Variants in DYRK2 observed in about 807,000 individuals in gnomAD.
DYRK2 encodes the protein dual specificity tyrosine phosphorylation regulated kinase 2.
Under a neutral mutation model 41.6 loss-of-function variants are expected in DYRK2, and 12 were observed. That is an observed-to-expected ratio of 0.29 (90% CI 0.18 to 0.47). DYRK2 has a LOEUF of 0.47. Ranked by LOEUF, DYRK2 falls within the 20% of genes least tolerant of loss-of-function variation. The pLI is 1.00. For synonymous variants in DYRK2, 322 were observed against 315.7 expected, an observed-to-expected ratio of 1.02 and a Z score of -0.21; for missense variants, 678 against 798.4, an observed-to-expected ratio of 0.85 and a Z score of 1.82.
chr12:67,652,561 A>G (rs1046563883), intron 2 of DYRK2: 4 of 152,286 alleles, frequency 2.6e-5, no homozygotes, highest in South Asian at 2.1e-4. Context: ...TTTGGACTCA[A>G]TTCTATTACC....
At chr12:67,649,723 G>C in intron 1 of DYRK2, 74 bp from the exon 2 acceptor site, 1 of 1,281,678 alleles carries the variant, frequency 7.8e-7, no homozygotes, top group Non-Finnish European at 9.9e-7. Flanking sequence ...GCTGCCCAGC[G>C]GGGTTGGAGG....
chr12:67,649,288 G>GGC, intron 1 of DYRK2, 106 bp downstream of exon 1: 2 of 956,618 alleles, frequency 2.1e-6, no homozygotes, highest in Non-Finnish European at 2.7e-6. Context: ...CAAAGTCGGC[G>GGC]GCGCGGCGCG....
chr12:67,657,073 C>T lies in DYRK2; in HGVS notation c.199-33C>T. On this transcript the variant is annotated intron_variant, in intron 2 of 2. Transcript: ENST00000344096. The surrounding 1 kb of genome is among the most constrained non-coding windows in gnomAD (Gnocchi z 4.8). ...TACACCATTTGAACAGACACCACTT[C>T]TTTTCTATTTATATTTCCTGTCTGA... 1 of 1,525,952 alleles carries T rather than the reference C, an allele frequency of 6.6e-7. No homozygotes were observed. The highest frequency in any genetic ancestry group is 8.8e-7 in the Non-Finnish European group (1 of 1,136,482). 94.5% of individuals were successfully genotyped at this position (1,525,952 alleles called of 1,614,324 possible).
rs1872256566 is a variant in DYRK2 at position 67,649,783 on chromosome 12, C to T, written c.50-14C>T. 1 of 1,314,436 alleles carries T rather than the reference C, an allele frequency of 7.6e-7. No individual in the cohort carries two copies. Among genetic ancestry groups the T allele is most frequent in the Non-Finnish European group, 9.8e-7 (1 of 1,024,752 alleles). 81.4% of individuals were successfully genotyped at this position (1,314,436 alleles called of 1,614,324 possible). A position where few individuals can be genotyped will look rare whatever the true frequency, so the allele number is the denominator to read the frequency against. On this transcript the variant is annotated splice_polypyrimidine_tract_variant and intron_variant, in intron 1 of 2. Transcript: ENST00000344096. ...CCTGACCCTCTTTTGTCTCCTCCCG[C>T]ACGTGGCTTCCAGGCCGAGGTGGGG...
chr12:67,652,053 G>A (rs1472097947), intron 2 of DYRK2, among the ~76,000 whole-genome samples: 1 of 152,088 alleles, frequency 6.6e-6, no homozygotes, highest in Non-Finnish European at 1.5e-5. Flanking sequence ...ATGAATGGGG[G>A]GCGGGAGGGC....
chr12:67,658,394 G>A lies in DYRK2; in HGVS notation c.1487G>A (p.Trp496Ter). The change falls in exon 3 of 3, where the codon TGG becomes TAG. Residue 496 changes from tryptophan to a stop codon, truncating the protein, a stop_gained. Coordinates refer to ENST00000344096, the MANE Select transcript of DYRK2 (RefSeq NM_006482.3). LOFTEE classifies it high-confidence loss of function. This position sits in a 1 kb window ranked among gnomAD's most constrained non-coding sequence, Gnocchi z 4.3. Reference protein sequence around the residue: ...KLRGPPESREWGNALKGCDDP... With the variant: ...KLRGPPESRE ...AGGGGCCCACCGGAGAGCAGAGAGT[G>A]GGGGAACGCGCTGAAGGGGTGTGAT... The A allele has an allele frequency of 6.2e-7, 1 of 1,602,916 alleles. No homozygotes were observed. The highest frequency in any genetic ancestry group is 8.5e-7 in the Non-Finnish European group (1 of 1,175,170).
chr12:67,663,631 A>C lies in DYRK2; in HGVS notation c.*4918A>C, dbSNP rs935240796. On this transcript the variant is annotated 3_prime_UTR_variant, in exon 3 of 3. Coordinates refer to ENST00000344096, the MANE Select transcript of DYRK2 (RefSeq NM_006482.3). ...CAAAATCCAATATATTTAGAAATGTAAGTGTTAAGAGATGTGCATTATGTA... is the reference window on the plus strand; with the variant it reads ...CAAAATCCAATATATTTAGAAATGTCAGTGTTAAGAGATGTGCATTATGTA... 6.6e-6 allele frequency: 1 copy of C among 152,188 alleles called. No individual in the cohort carries two copies. Among genetic ancestry groups the C allele is most frequent in the Non-Finnish European group, 1.5e-5 (1 of 68,022 alleles). 9.4% of individuals were successfully genotyped at this position (152,188 alleles called of 1,614,324 possible).
chr12:67,656,489 T>G (rs1049864594), intron 2 of DYRK2, among the ~76,000 whole-genome samples: 1 of 152,208 alleles, frequency 6.6e-6, no homozygotes, highest in East Asian at 1.9e-4. Context: ...CATAAGATAC[T>G]ATGGTACACA....
At position 67,661,318 on chromosome 12, in the gene DYRK2, C is replaced by A. The variant is rs1342329398; in HGVS notation, c.*2605C>A. 2.4e-5 allele frequency: 4 copies of A among 167,032 alleles called. No homozygotes were observed. The highest frequency in any genetic ancestry group is 4.4e-5 in the Non-Finnish European group (3 of 68,098). 10.3% of individuals were successfully genotyped at this position (167,032 alleles called of 1,614,324 possible). A position where few individuals can be genotyped will look rare whatever the true frequency, so the allele number is the denominator to read the frequency against. ...AAACAGTTTTTGGTCTCACAGGTTA[C>A]CATTGTTTGGGGATGTCTGAGCTGT... On this transcript the variant is annotated 3_prime_UTR_variant, in exon 3 of 3. Coordinates refer to ENST00000344096, the MANE Select transcript of DYRK2 (RefSeq NM_006482.3).
chr12:67,652,238 TTC>T (rs1352761238), intron 2 of DYRK2, among the ~76,000 whole-genome samples: 3 of 152,192 alleles, frequency 2.0e-5, no homozygotes, highest in African/African-American at 7.2e-5. Flanking sequence ...CTTTAGTTAT[TTC>T]TGTTTGTGTG....
rs994593190 is a variant in DYRK2 at position 67,663,436 on chromosome 12, A to T, written c.*4723A>T. The T allele has an allele frequency of 5.3e-5, 8 of 152,252 alleles. No individual in the cohort carries two copies. The highest frequency in any genetic ancestry group is 7.4e-5 in the Non-Finnish European group (5 of 67,984). The allele number at this position is 152,252 out of a possible 1,614,324, so 9.4% of individuals were successfully genotyped here. ...TCCCTTCTGTTACCAACAGCCAAGG[A>T]ATTACTTAGTGTGGCTCCCTGCATC... On this transcript the variant is annotated 3_prime_UTR_variant, in exon 3 of 3. Transcript: ENST00000344096.
Position 67,658,435 on chromosome 12 carries a change from G to C in DYRK2, c.1528G>C (p.Asp510His). 1.3e-6 allele frequency: 2 copies of C among 1,591,198 alleles called. No individual in the cohort carries two copies. Among genetic ancestry groups the C allele is most frequent in the Non-Finnish European group, 1.7e-6 (2 of 1,168,964 alleles). ...GGGGTGTGATGATCCCCTTTTCCTT[G>C]ACTTCTTAAAACAGTGTTTAGAGTG... is the stretch of plus-strand genomic sequence containing the variant. ...LKGCDDPLFLDFLKQCLEWDP... is the reference protein window; with the variant it reads ...LKGCDDPLFLHFLKQCLEWDP... The change falls in exon 3 of 3, where the codon GAC becomes CAC. Residue 510 changes from aspartate (D) to histidine (H), a missense_variant. By Grantham distance (81) the Asp-to-His change is moderately conservative. Around this residue, in one of 2 missense-constraint regions of DYRK2, gnomAD observed 393 missense variants for 519.1 expected, o/e 0.76. Coordinates refer to ENST00000344096, the MANE Select transcript of DYRK2 (RefSeq NM_006482.3). This position sits in a 1 kb window ranked among gnomAD's most constrained non-coding sequence, Gnocchi z 4.3.
intron 2 of DYRK2, among the ~76,000 whole-genome samples, chr12:67,652,203 A>G (rs1171478304): frequency 2.6e-5 from 4 of 152,096 alleles, no homozygotes; most frequent in Non-Finnish European, 2.9e-5. Context: ...TTTGTTTTAT[A>G]TCTCCATGTA....
At position 67,648,943 on chromosome 12, in the gene DYRK2, C is replaced by G. The variant is rs1872215235; in HGVS notation, c.-191C>G. On this transcript the variant is annotated 5_prime_UTR_variant, in exon 1 of 3. Transcript: ENST00000344096. ...GGCGAGGAGGAGAGCGGGGGGCTCG[C>G]GGCGGCGGGCCCCGGCCGAGGGGAT... 2 of 391,768 alleles carry G rather than the reference C, an allele frequency of 5.1e-6. No individual in the cohort carries two copies. Among genetic ancestry groups the G allele is most frequent in the Non-Finnish European group, 9.0e-6 (2 of 223,238 alleles). The allele number at this position is 391,768 out of a possible 1,614,324, so 24.3% of individuals were successfully genotyped here. A position where few individuals can be genotyped will look rare whatever the true frequency, so the allele number is the denominator to read the frequency against.
Position 67,649,843 on chromosome 12 carries a change from G to T in DYRK2, c.96G>T (p.Gly32=). 7.5e-7 allele frequency: 1 copy of T among 1,331,314 alleles called. No individual in the cohort carries two copies. The highest frequency in any genetic ancestry group is 9.7e-7 in the Non-Finnish European group (1 of 1,035,566). 82.5% of individuals were successfully genotyped at this position (1,331,314 alleles called of 1,614,324 possible). A position where few individuals can be genotyped will look rare whatever the true frequency, so the allele number is the denominator to read the frequency against. ...TTCGTCAGCTTCAGGCTTCCCCGGG[G>T]CTCGGTGCAGGGGCCACCCGGAGCG... ...SAVRQLQASP[G]LGAGATRSGV... The change falls in exon 2 of 3, where the codon GGG becomes GGT. Residue 32 remains glycine (G), a synonymous_variant. Coordinates refer to ENST00000344096, the MANE Select transcript of DYRK2 (RefSeq NM_006482.3).
intron 2 of DYRK2, among the ~76,000 whole-genome samples, chr12:67,650,215 C>G (rs1872278131): frequency 6.6e-6 from 1 of 152,278 alleles, no homozygotes; most frequent in South Asian, 2.1e-4. Context: ...GGAACTTCCT[C>G]CTTGCTGCTT....
chr12:67,658,436 A>T lies in DYRK2; in HGVS notation c.1529A>T (p.Asp510Val). 1 of 1,590,404 alleles carries T rather than the reference A, an allele frequency of 6.3e-7. No homozygotes were observed. The highest frequency in any genetic ancestry group is 8.6e-7 in the Non-Finnish European group (1 of 1,168,522). The change falls in exon 3 of 3, where the codon GAC (aspartate) becomes GTC (valine). Residue 510 changes from aspartate (D) to valine (V), a missense_variant. Coordinates refer to ENST00000344096, the MANE Select transcript of DYRK2 (RefSeq NM_006482.3). The surrounding 1 kb of genome is among the most constrained non-coding windows in gnomAD (Gnocchi z 4.3). Reference sequence around the variant, plus strand: ...GGGTGTGATGATCCCCTTTTCCTTGACTTCTTAAAACAGTGTTTAGAGTGG... The same window carrying T: ...GGGTGTGATGATCCCCTTTTCCTTGTCTTCTTAAAACAGTGTTTAGAGTGG... ...LKGCDDPLFL[D>V]FLKQCLEWDP...
Position 67,657,494 on chromosome 12 carries a change from G to C in DYRK2, c.587G>C (p.Gly196Ala). The C allele has an allele frequency of 6.2e-7, 1 of 1,614,100 alleles. No homozygotes were observed. Among genetic ancestry groups the C allele is most frequent in the Non-Finnish European group, 8.5e-7 (1 of 1,180,006 alleles). ...LNAKKRQGMT[G>A]GPNNGGYDDD... is the part of the protein sequence containing the mutation. ...GCTAAGAAGCGCCAGGGCATGACAG[G>C]TGGGCCCAACAATGGTGGCTATGAT... The change falls in exon 3 of 3, where the codon GGT becomes GCT. Residue 196 changes from glycine to alanine, a missense_variant. Physicochemically the swap from Gly to Ala is moderately conservative, Grantham distance 60. Around this residue, in one of 2 missense-constraint regions of DYRK2, gnomAD observed 285 missense variants for 279.2 expected, o/e 1.02. Transcript: ENST00000344096. This position sits in a 1 kb window ranked among gnomAD's most constrained non-coding sequence, Gnocchi z 4.8.
In DYRK2 at chr12:67,660,083, T is replaced by A. The variant is rs1001327793; in HGVS notation, c.*1370T>A. ...TAATAATTATTTTCACAGTGAAAAT[T>A]TCAGTATTTTATCACTAATGTATGA... is the stretch of plus-strand genomic sequence containing the variant. On this transcript the variant is annotated 3_prime_UTR_variant, in exon 3 of 3. Coordinates refer to ENST00000344096, the MANE Select transcript of DYRK2 (RefSeq NM_006482.3). 1 of 167,030 alleles carries A rather than the reference T, an allele frequency of 6.0e-6. No homozygotes were observed. The highest frequency in any genetic ancestry group is 1.5e-5 in the Non-Finnish European group (1 of 68,100). The allele number at this position is 167,030 out of a possible 1,614,324, so 10.3% of individuals were successfully genotyped here.
Sources: gnomAD v4.1 joint callset for allele counts (sites outside exome capture counted in the v4.1 genomes callset) on GRCh38, gnomAD v4.1.1 for gene constraint, gnomAD v4.1.1 regional missense constraint, Gnocchi (gnomAD v3.1) non-coding constraint, MANE v1.5 for transcripts, NCBI Gene and HGNC (gene_info 2026-07-23, HGNC 2026-07-21) for gene names.